The following ABLIM1 variants were observed in gnomAD, a reference collection of about 807,000 sequenced individuals.
ABLIM1 encodes the protein actin-binding LIM protein 1.
Under a neutral mutation model 107.0 loss-of-function variants are expected in ABLIM1, and 40 were observed. The observed-to-expected ratio is 0.37, with a 90% CI of 0.29 to 0.49. ABLIM1 has a LOEUF of 0.49. ABLIM1 is among the 20% of genes least tolerant of loss of function. The pLI, the probability that ABLIM1 is intolerant of heterozygous loss-of-function variation, is 0.97. For synonymous variants in ABLIM1, 357 were observed against 357.3 expected, an observed-to-expected ratio of 1.00 and a Z score of 0.01; for missense variants, 857 against 1,008.5, an observed-to-expected ratio of 0.85 and a Z score of 2.04.
At chr10:114,533,287 G>A (rs1486590144) in intron 6 of ABLIM1, among the ~76,000 whole-genome samples, 1 of 152,132 alleles carries the variant, frequency 6.6e-6, no homozygotes, top group African/African-American at 2.4e-5. Flanking sequence ...GTTGCACTGA[G>A]CCAAGATAGT....
At chr10:114,720,493 G>T (rs1024434755) in intron 1 of ABLIM1, among the ~76,000 whole-genome samples, 2 of 152,102 alleles carry the variant, frequency 1.3e-5, no homozygotes, top group Non-Finnish European at 2.9e-5. Flanking sequence ...CCCAACAACA[G>T]TGTAAAAGAG....
intron 6 of ABLIM1, among the ~76,000 whole-genome samples, chr10:114,515,134 G>A (rs538222267): frequency 5.3e-5 from 8 of 152,328 alleles, no homozygotes; most frequent in South Asian, 2.1e-4. Flanking sequence ...TAAGTGACAC[G>A]TGACTGCAAT....
chr10:114,438,630 C>T (rs1443758277), intron 21 of ABLIM1, among the ~76,000 whole-genome samples: 1 of 152,188 alleles, frequency 6.6e-6, no homozygotes, highest in African/African-American at 2.4e-5. Flanking sequence ...CAATCTTGTC[C>T]CATGACTAGC....
At chr10:114,668,459 C>T (rs1252772525) in intron 1 of ABLIM1, among the ~76,000 whole-genome samples, 2 of 152,116 alleles carry the variant, frequency 1.3e-5, no homozygotes, top group African/African-American at 4.8e-5. Flanking sequence ...AGAAAAAGGA[C>T]ATGGATACTT....
At chr10:114,798,851 A>G in the ABLIM1 span, among the ~76,000 whole-genome samples, 1 of 151,610 alleles carries the variant, frequency 6.6e-6, no homozygotes, top group Non-Finnish European at 1.5e-5. Flanking sequence ...GCTGGAGTGC[A>G]GTGGCGCGAT....
At chr10:114,636,621 G>A (rs944521315) in intron 1 of ABLIM1, among the ~76,000 whole-genome samples, 1 of 152,196 alleles carries the variant, frequency 6.6e-6, no homozygotes, top group African/African-American at 2.4e-5. Flanking sequence ...AGTATTTTAA[G>A]AAGTACAAGG....
chr10:114,604,299 T>C (rs922290294), intron 1 of ABLIM1, among the ~76,000 whole-genome samples: 5 of 152,222 alleles, frequency 3.3e-5, no homozygotes, highest in African/African-American at 1.2e-4. Context: ...TTTGTATAAA[T>C]CAGAAAATTG....
At chr10:114,621,674 A>G (rs1157693129) in intron 1 of ABLIM1, among the ~76,000 whole-genome samples, 1 of 152,072 alleles carries the variant, frequency 6.6e-6, no homozygotes, top group Non-Finnish European at 1.5e-5. Flanking sequence ...CCCCCATTCT[A>G]TCACCTGGTG....
At chr10:114,788,193 G>A in the ABLIM1 span, among the ~76,000 whole-genome samples, 8 of 150,590 alleles carry the variant, frequency 5.3e-5, no homozygotes, top group South Asian at 4.2e-4. Context: ...CAAACACTGC[G>A]GAAGGCTGCA....
intron 1 of ABLIM1, among the ~76,000 whole-genome samples, chr10:114,648,601 T>G (rs74158025): frequency 5.0e-4 from 76 of 152,312 alleles, no homozygotes; most frequent in African/African-American, 1.8e-3. Flanking sequence ...TGGAATTAGA[T>G]AGTGGGATGG....
At chr10:114,503,134 T>C (rs1010726144) in intron 6 of ABLIM1, among the ~76,000 whole-genome samples, 5 of 152,244 alleles carry the variant, frequency 3.3e-5, no homozygotes, top group Non-Finnish European at 7.3e-5. Flanking sequence ...CATTCTACTA[T>C]TGATGGGCAT....
chr10:114,546,921 C>T (rs1376410349), intron 5 of ABLIM1, among the ~76,000 whole-genome samples: 1 of 151,900 alleles, frequency 6.6e-6, no homozygotes, highest in Admixed American at 6.6e-5. Flanking sequence ...GCTGGGACTA[C>T]AGGCATGTGC....
intron 1 of ABLIM1, among the ~76,000 whole-genome samples, chr10:114,614,310 G>A (rs2076993401): frequency 6.6e-6 from 1 of 152,056 alleles, no homozygotes; most frequent in East Asian, 1.9e-4. Context: ...AAATTAGCCA[G>A]GTGTGATGGC....
At chr10:114,440,983 G>C (rs771677904) in intron 19 of ABLIM1, 34 bp downstream of exon 19, 15 of 1,565,320 alleles carry the variant, frequency 9.6e-6, no homozygotes, top group Non-Finnish European at 1.2e-5. Context: ...GAGGGAAGAC[G>C]TGGCCATGCT....
chr10:114,653,781 T>C (rs904336934), intron 1 of ABLIM1, among the ~76,000 whole-genome samples: 7 of 152,240 alleles, frequency 4.6e-5, no homozygotes, highest in Non-Finnish European at 8.8e-5. Context: ...GATATATTTT[T>C]GCGGAAGCTA....
intron 1 of ABLIM1, among the ~76,000 whole-genome samples, chr10:114,755,046 G>T (rs1237388611): frequency 1.3e-5 from 2 of 152,086 alleles, no homozygotes; most frequent in Non-Finnish European, 2.9e-5. Context: ...TCTAGAACAG[G>T]GGTCCCCAGC....
chr10:114,615,190 T>G (rs1035551816), intron 1 of ABLIM1, among the ~76,000 whole-genome samples: 1 of 152,180 alleles, frequency 6.6e-6, no homozygotes, highest in Admixed American at 6.5e-5. Context: ...ATAAACAGAT[T>G]ACTCCACTAA....
intron 14 of ABLIM1, 114 bp from the exon 15 acceptor site, chr10:114,448,134 G>C: frequency 7.2e-7 from 1 of 1,390,922 alleles, no homozygotes; most frequent in Non-Finnish European, 9.9e-7. Context: ...GTTCCAGAAA[G>C]TTCTGTTTAT....
intron 1 of ABLIM1, among the ~76,000 whole-genome samples, chr10:114,630,150 A>T (rs2078076403): frequency 6.6e-6 from 1 of 152,234 alleles, no homozygotes; most frequent in Admixed American, 6.5e-5. Context: ...CTGATCTATA[A>T]TATATACCAT....
Sources: allele counts gnomAD v4.1 joint callset (sites outside exome capture counted in the v4.1 genomes callset), GRCh38; gene constraint gnomAD v4.1.1; transcripts MANE v1.5; gene names NCBI Gene and HGNC (gene_info 2026-07-23, HGNC 2026-07-21).